The following KPNA1 variants were observed in gnomAD, a reference collection of about 807,000 sequenced individuals.
KPNA1 encodes importin subunit alpha-5.
KPNA1 carries 10 observed loss-of-function variants against 70.5 expected under a neutral mutation model. That is an observed-to-expected ratio of 0.14 (90% CI 0.09 to 0.24). The LOEUF (loss-of-function observed/expected upper bound fraction) is 0.24, where lower values mean the gene tolerates loss of function less well. KPNA1 is among the 10% of genes least tolerant of loss of function. The probability of loss-of-function intolerance (pLI) is 1.00; values close to 1 mark genes in which losing one functional copy is unlikely to be tolerated. For missense variants in KPNA1, 397 were observed against 637.9 expected (o/e 0.62, Z 4.07); for synonymous variants, 192 against 221.9 (o/e 0.87, Z 1.20).
intron 9 of KPNA1, among the ~76,000 whole-genome samples, chr3:122,444,404 TTATA>T (rs1157720059): frequency 6.6e-6 from 1 of 152,156 alleles, no homozygotes; most frequent in Non-Finnish European, 1.5e-5. Context: ...GCATAGGAAA[TTATA>T]AGAGTATTGA....
At chr3:122,446,441 G>A (rs2076139669) in intron 9 of KPNA1, among the ~76,000 whole-genome samples, 1 of 152,202 alleles carries the variant, frequency 6.6e-6, no homozygotes, top group African/African-American at 2.4e-5. Context: ...ATAACGAAAT[G>A]AAGGCAGAAA....
chr3:122,439,237 T>A (rs911770849), intron 10 of KPNA1, among the ~76,000 whole-genome samples: 5 of 152,144 alleles, frequency 3.3e-5, no homozygotes, highest in Non-Finnish European at 7.4e-5. Context: ...GGCTGGAGTG[T>A]GGTGGCATGA....
At chr3:122,506,554 G>C (rs2076892382) in intron 1 of KPNA1, among the ~76,000 whole-genome samples, 1 of 152,056 alleles carries the variant, frequency 6.6e-6, no homozygotes, top group Non-Finnish European at 1.5e-5. Context: ...TTTTTATTAA[G>C]AGCATTTCAG....
rs761024788 is a variant in KPNA1 at position 122,461,277 on chromosome 3, C to T, written c.379G>A (p.Val127Ile). 4.3e-6 allele frequency: 7 copies of T among 1,613,632 alleles called. No individual in the cohort carries two copies. In the South Asian group the frequency reaches 6.6e-5, roughly 15 times the overall value. Residue 127 changes from valine to isoleucine, a missense_variant, in exon 5 of 14, where the codon GTA becomes ATA. Val to Ile is a conservative substitution (Grantham distance 29, BLOSUM62 3). Transcript: ENST00000344337. ...PIDEVISTPG[V>I]VARFVEFLKR... ...AGGAACTCCACAAACCTGGCCACTACTCCTGGTGTGCTGATAACTTCATCA... is the reference window on the plus strand; with the variant it reads ...AGGAACTCCACAAACCTGGCCACTATTCCTGGTGTGCTGATAACTTCATCA...
chr3:122,458,119 A>C (rs2076284338), intron 5 of KPNA1, among the ~76,000 whole-genome samples: 1 of 152,264 alleles, frequency 6.6e-6, no homozygotes, highest in African/African-American at 2.4e-5. Context: ...ATTTGGAAAT[A>C]GAAGGCAATA....
At chr3:122,466,574 T>C (rs1288046052) in intron 3 of KPNA1, among the ~76,000 whole-genome samples, 2 of 152,200 alleles carry the variant, frequency 1.3e-5, no homozygotes, top group East Asian at 3.8e-4. Flanking sequence ...GCATGACTTT[T>C]ATCTCTTCAT....
At chr3:122,470,272 G>T (rs898855839) in intron 2 of KPNA1, among the ~76,000 whole-genome samples, 1 of 152,100 alleles carries the variant, frequency 6.6e-6, no homozygotes, top group African/African-American at 2.4e-5. Context: ...CAGCCCTTTG[G>T]GAGGAGGCGG....
At chr3:122,463,766 A>T (rs2076351541) in intron 4 of KPNA1, among the ~76,000 whole-genome samples, 176 bp downstream of exon 4, 1 of 152,222 alleles carries the variant, frequency 6.6e-6, no homozygotes, top group Non-Finnish European at 1.5e-5. Context: ...AGATCCCACA[A>T]ATAAATAGGA....
intron 1 of KPNA1, among the ~76,000 whole-genome samples, chr3:122,505,736 A>G (rs997064765): frequency 2.6e-5 from 4 of 152,200 alleles, no homozygotes; most frequent in African/African-American, 9.7e-5. Flanking sequence ...TTTCTCCTTC[A>G]TGTCTAGTTA....
At chr3:122,430,824 G>A (rs1024965558) in intron 12 of KPNA1, among the ~76,000 whole-genome samples, 1 of 152,160 alleles carries the variant, frequency 6.6e-6, no homozygotes, top group Non-Finnish European at 1.5e-5. Context: ...CTTACTTTGT[G>A]TCACTCGTGA....
At chr3:122,506,703 T>C (rs2076894147) in intron 1 of KPNA1, among the ~76,000 whole-genome samples, 2 of 152,196 alleles carry the variant, frequency 1.3e-5, no homozygotes. Flanking sequence ...TGGCAATACA[T>C]ATTTTCTTTC....
intron 2 of KPNA1, among the ~76,000 whole-genome samples, chr3:122,496,034 T>A (rs2076756535): frequency 6.6e-6 from 1 of 152,230 alleles, no homozygotes; most frequent in South Asian, 2.1e-4. Context: ...TCTTTCTTTT[T>A]GTGTATATTT....
In KPNA1 at chr3:122,496,634, T is replaced by G. The variant is rs1183096578; in HGVS notation, c.-5-64A>C. 6 of 1,494,258 alleles carry G rather than the reference T, an allele frequency of 4.0e-6. 1 individual carries two copies. Among genetic ancestry groups the G allele is most frequent in the Non-Finnish European group, 5.5e-6 (6 of 1,087,032 alleles). The allele number at this position is 1,494,258 out of a possible 1,614,324, so 92.6% of individuals were successfully genotyped here. A position where few individuals can be genotyped will look rare whatever the true frequency, so the allele number is the denominator to read the frequency against. Reference sequence around the variant, plus strand: ...TGAAGAGCTCTGTTATTCTAAGAGCTCAGTCTTTTAAACATATACATGCCC... The same window carrying G: ...TGAAGAGCTCTGTTATTCTAAGAGCGCAGTCTTTTAAACATATACATGCCC... On this transcript the variant is annotated intron_variant, in intron 1 of 13. Coordinates refer to ENST00000344337, the MANE Select transcript of KPNA1 (RefSeq NM_002264.4).
intron 1 of KPNA1, among the ~76,000 whole-genome samples, chr3:122,503,300 G>C (rs1026400171): frequency 2.6e-5 from 4 of 151,760 alleles, no homozygotes; most frequent in African/African-American, 4.8e-5. Context: ...GATAAATAAG[G>C]CAAAAGATAA....
At chr3:122,503,808 C>T (rs2076857513) in intron 1 of KPNA1, among the ~76,000 whole-genome samples, 1 of 152,084 alleles carries the variant, frequency 6.6e-6, no homozygotes, top group Non-Finnish European at 1.5e-5. Flanking sequence ...TTACCCCTTT[C>T]CAATTCTATT....
At chr3:122,492,168 A>G (rs1227945194) in intron 2 of KPNA1, among the ~76,000 whole-genome samples, 2 of 152,102 alleles carry the variant, frequency 1.3e-5, no homozygotes, top group Non-Finnish European at 1.5e-5. Context: ...CCCGACCATC[A>G]CATTTTAACT....
Position 122,442,209 on chromosome 3 carries a change from T to A in KPNA1, c.918-93A>T, listed in dbSNP as rs929508432. 6.4e-6 allele frequency: 6 copies of A among 933,936 alleles called. No individual in the cohort carries two copies. In the African/African-American group the frequency reaches 8.2e-5, roughly 13 times the overall value. The allele number at this position is 933,936 out of a possible 1,614,324, so 57.9% of individuals were successfully genotyped here. Reference sequence around the variant, plus strand: ...AAATTAAAAAACAAAAAAATTGTGATAGAATTTTAGAGCAGAAATGTACCC... The same window carrying A: ...AAATTAAAAAACAAAAAAATTGTGAAAGAATTTTAGAGCAGAAATGTACCC... On this transcript the variant is annotated intron_variant, in intron 9 of 13. Transcript: ENST00000344337.
At chr3:122,487,127 G>T (rs2076638716) in intron 2 of KPNA1, among the ~76,000 whole-genome samples, 1 of 152,206 alleles carries the variant, frequency 6.6e-6, no homozygotes, top group South Asian at 2.1e-4. Flanking sequence ...GAGGTAAAAA[G>T]CTGTCGGGCC....
intron 1 of KPNA1, among the ~76,000 whole-genome samples, chr3:122,498,925 T>C (rs1334966915): frequency 1.3e-5 from 2 of 152,224 alleles, no homozygotes; most frequent in Non-Finnish European, 2.9e-5. Context: ...TATAATGTAA[T>C]GTAGCTTTCA....
Sources: gnomAD v4.1 joint callset for allele counts (sites outside exome capture counted in the v4.1 genomes callset) on GRCh38, gnomAD v4.1.1 for gene constraint, MANE v1.5 for transcripts, NCBI Gene and HGNC (gene_info 2026-07-23, HGNC 2026-07-21) for gene names.